Variants in ANKRD11 observed in about 807,000 individuals in gnomAD.
ANKRD11 encodes ankyrin repeat domain-containing protein 11.
ANKRD11 carries 17 observed loss-of-function variants against 195.7 expected under a neutral mutation model. That is an observed-to-expected ratio of 0.09 (90% confidence interval 0.06 to 0.13). The LOEUF (loss-of-function observed/expected upper bound fraction) is 0.13. ANKRD11 is among the 10% of genes least tolerant of loss of function. The pLI is 1.00. For missense variants in ANKRD11, 3,735 were observed against 3,566.1 expected, an observed-to-expected ratio of 1.05 and a Z score of -1.21; for synonymous variants, 1,953 against 1,528.1, an observed-to-expected ratio of 1.28 and a Z score of -6.49.
At chr16:89,322,993 G>A (rs2037428013) in intron 2 of ANKRD11, 1 of 294,642 alleles carries the variant, frequency 3.4e-6, no homozygotes, top group Non-Finnish European at 6.7e-6. Context: ...ACAGGCCCGT[G>A]GCACCATGCC....
intron 1 of ANKRD11, among the ~76,000 whole-genome samples, chr16:89,476,601 T>A (rs953473178): frequency 1.3e-5 from 2 of 152,150 alleles, no homozygotes; most frequent in Non-Finnish European, 2.9e-5. Flanking sequence ...CAGGTGGGGC[T>A]CTGCAGCCTG....
chr16:89,313,117 C>T (rs776902708), intron 3 of ANKRD11, among the ~76,000 whole-genome samples: 41 of 152,350 alleles, frequency 2.7e-4, no homozygotes, highest in Non-Finnish European at 5.3e-4. Flanking sequence ...GGGTTCCTAA[C>T]AAGCTCCAGC....
chr16:89,382,925 C>G (rs2040725993), intron 2 of ANKRD11, among the ~76,000 whole-genome samples: 1 of 152,244 alleles, frequency 6.6e-6, no homozygotes, highest in Non-Finnish European at 1.5e-5. Context: ...ACTGCAACCT[C>G]TGCCTCCCAG....
At chr16:89,273,041 T>C (rs1296770774) in intron 11 of ANKRD11, 2 of 52,726 alleles carry the variant, frequency 3.8e-5, no homozygotes, top group Non-Finnish European at 7.1e-5. Flanking sequence ...GGTTAATGGG[T>C]ACCAAAAAAA....
chr16:89,480,128 T>C (rs181531702), intron 1 of ANKRD11, among the ~76,000 whole-genome samples: 1 of 146,416 alleles, frequency 6.8e-6, no homozygotes, highest in Non-Finnish European at 1.5e-5. Context: ...AAAAATTAAG[T>C]CTTTCCTGCC....
intron 1 of ANKRD11, among the ~76,000 whole-genome samples, chr16:89,472,884 C>G (rs2057134876): frequency 6.6e-6 from 1 of 152,150 alleles, no homozygotes; most frequent in South Asian, 2.1e-4. Flanking sequence ...AGAGCTCAAC[C>G]ATGAGATCAA....
In ANKRD11 at chr16:89,323,051, G is replaced by A. The variant is rs116476741; in HGVS notation, c.-59-5973C>T. ...TGGAGTCGGGTTTCGCCATGCTTCCGAGGCTGGTGTCTGAAGGATGCTTTA... is the reference window on the plus strand; with the variant it reads ...TGGAGTCGGGTTTCGCCATGCTTCCAAGGCTGGTGTCTGAAGGATGCTTTA... On this transcript the variant is annotated intron_variant, in intron 2 of 12. Transcript: ENST00000301030. 1,748 of 297,814 alleles carry A rather than the reference G, an allele frequency of 5.9e-3. 29 individuals carry two copies. Among genetic ancestry groups the A allele is most frequent in the African/African-American group, 0.036 (1,576 of 43,978 alleles). The allele number at this position is 297,814 out of a possible 1,614,324, so 18.4% of individuals were successfully genotyped here.
chr16:89,293,063 C>T (rs1446648143), intron 4 of ANKRD11, among the ~76,000 whole-genome samples: 2 of 152,192 alleles, frequency 1.3e-5, no homozygotes, highest in Non-Finnish European at 2.9e-5. Flanking sequence ...CCCACACTCA[C>T]CGAGCAGCTG....
intron 1 of ANKRD11, among the ~76,000 whole-genome samples, chr16:89,472,796 T>C (rs141762715): frequency 1.1e-4 from 16 of 152,274 alleles, no homozygotes; most frequent in African/African-American, 3.4e-4. Flanking sequence ...CAATAAATTA[T>C]TACCACAGAG....
chr16:89,478,389 CAT>C (rs2057329804), intron 1 of ANKRD11, among the ~76,000 whole-genome samples: 1 of 151,880 alleles, frequency 6.6e-6, no homozygotes, highest in Admixed American at 6.6e-5. Flanking sequence ...CTACACAACT[CAT>C]AGGAAAAAAG....
intron 6 of ANKRD11, among the ~76,000 whole-genome samples, chr16:89,290,127 G>T (rs560722812): frequency 7.9e-5 from 12 of 152,270 alleles, no homozygotes; most frequent in African/African-American, 2.4e-4. Flanking sequence ...CCCCACTGGA[G>T]TGAGTGTGGC....
intron 1 of ANKRD11, among the ~76,000 whole-genome samples, chr16:89,428,612 T>C (rs1007122112): frequency 6.6e-6 from 1 of 152,008 alleles, no homozygotes; most frequent in Non-Finnish European, 1.5e-5. Flanking sequence ...ACCACTGTCA[T>C]AGGCCAGGCA....
chr16:89,383,703 C>T (rs550141310), intron 2 of ANKRD11, among the ~76,000 whole-genome samples: 3 of 152,104 alleles, frequency 2.0e-5, no homozygotes, highest in South Asian at 2.1e-4. Flanking sequence ...CCCCTGCCCT[C>T]GGACCAGCAA....
intron 1 of ANKRD11, among the ~76,000 whole-genome samples, chr16:89,448,959 G>C (rs1255745382): frequency 3.3e-5 from 5 of 152,138 alleles, no homozygotes; most frequent in African/African-American, 1.2e-4. Context: ...ATTGTATTTA[G>C]TTCTTGGTAG....
At position 89,284,767 on chromosome 16, in the gene ANKRD11, A is replaced by G. The variant is rs2034526390; in HGVS notation, c.1775T>C (p.Val592Ala). The change falls in exon 9 of 13, where the codon GTG (valine) becomes GCG (alanine). Residue 592 changes from valine (V) to alanine (A), a missense_variant. Val to Ala is a moderately conservative substitution (Grantham distance 64, BLOSUM62 0). Transcript: ENST00000301030. ...CTTCCTGTGCTCCTGCCTCTTCCTC[A>G]CTGGCTTCAGCGATTCCACACTGGA... The part of the protein sequence containing the change: ...EGSSVESLKP[V>A]RKRQEHRKRA... 6.2e-7 allele frequency: 1 copy of G among 1,613,342 alleles called. No individual in the cohort carries two copies. Among genetic ancestry groups the G allele is most frequent in the Non-Finnish European group, 8.5e-7 (1 of 1,179,994 alleles).
Position 89,285,387 on chromosome 16 carries a change from T to C in ANKRD11, c.1155A>G (p.Lys385=), listed in dbSNP as rs574758500. The C allele has an allele frequency of 3.7e-6, 6 of 1,614,080 alleles. No individual in the cohort carries two copies. In the African/African-American group the frequency reaches 5.3e-5, roughly 14 times the overall value. Residue 385 remains lysine, a synonymous_variant, in exon 9 of 13, where the codon AAA becomes AAG. Transcript: ENST00000301030. This position sits in a 1 kb window ranked among gnomAD's most constrained non-coding sequence, Gnocchi z 5.6. ...TTTTAGTGTAACTTTTAACCTCCAT[T>C]TTGGGTATAGAGATAAAACTATTGG... ...TKSNSFISIP[K]MEVKSYTKNN... is the part of the protein sequence containing the mutation.
chr16:89,290,178 C>T (rs180922376), intron 6 of ANKRD11, among the ~76,000 whole-genome samples: 1 of 152,246 alleles, frequency 6.6e-6, no homozygotes, highest in Non-Finnish European at 1.5e-5. Context: ...GCGCACCCCA[C>T]GAGGCCACAG....
chr16:89,403,694 C>G (rs879500962), intron 2 of ANKRD11: 3 of 152,228 alleles, frequency 2.0e-5, no homozygotes, highest in Non-Finnish European at 4.4e-5. Context: ...ACTCAAGAGG[C>G]TGAGGCAGGA....
At chr16:89,404,769 G>T (rs1228452865) in intron 2 of ANKRD11, among the ~76,000 whole-genome samples, 1 of 152,216 alleles carries the variant, frequency 6.6e-6, no homozygotes, top group Non-Finnish European at 1.5e-5. Context: ...GCTCAGCCAC[G>T]CCTACCTCGC....
Sources: gnomAD v4.1 joint callset for allele counts (sites outside exome capture counted in the v4.1 genomes callset) on GRCh38, gnomAD v4.1.1 for gene constraint, Gnocchi (gnomAD v3.1) non-coding constraint, MANE v1.5 for transcripts, NCBI Gene and HGNC (gene_info 2026-07-23, HGNC 2026-07-21) for gene names.